Variants in NTN1 observed in about 807,000 individuals in gnomAD.
NTN1 encodes netrin-1.
In NTN1, 11 loss-of-function variants were observed where a neutral mutation model predicts 54.2. The observed-to-expected ratio is 0.20, with a 90% CI of 0.13 to 0.34. The LOEUF is 0.34. Ranked by LOEUF, NTN1 falls within the 10% of genes least tolerant of loss-of-function variation. NTN1 has a pLI of 1.00. For synonymous variants in NTN1, 371 were observed against 382.0 expected (o/e 0.97, Z 0.33); for missense variants, 740 against 893.1 (o/e 0.83, Z 2.18).
At chr17:9,098,372 C>T (rs1028868680) in intron 2 of NTN1, among the ~76,000 whole-genome samples, 5 of 152,220 alleles carry the variant, frequency 3.3e-5, no homozygotes, top group African/African-American at 1.2e-4. Flanking sequence ...CTGGAGAGCG[C>T]TGTTCACAGT....
intron 2 of NTN1, among the ~76,000 whole-genome samples, chr17:9,111,686 T>C (rs1021426718): frequency 6.6e-6 from 1 of 152,198 alleles, no homozygotes; most frequent in Non-Finnish European, 1.5e-5. Flanking sequence ...TTAACACATA[T>C]TTTGCATGTT....
intron 2 of NTN1, among the ~76,000 whole-genome samples, chr17:9,151,832 G>A (rs1316426607): frequency 1.3e-5 from 2 of 152,284 alleles, no homozygotes; most frequent in Non-Finnish European, 1.5e-5. Flanking sequence ...ACACCAATCA[G>A]CACTCTGTAG....
chr17:9,176,337 G>A (rs1207461754), intron 3 of NTN1: 1 of 152,444 alleles, frequency 6.6e-6, no homozygotes. Flanking sequence ...TTGTATCTGT[G>A]TGTTTCTGGG....
intron 2 of NTN1, among the ~76,000 whole-genome samples, chr17:9,084,630 G>T (rs116546148): frequency 0.016 from 2,447 of 149,970 alleles, 67 homozygotes; most frequent in African/African-American, 0.058. Flanking sequence ...TTCAGCTTTG[G>T]CTTTGTTCTT....
At chr17:9,044,532 C>T (rs904857154) in intron 2 of NTN1, among the ~76,000 whole-genome samples, 3 of 152,014 alleles carry the variant, frequency 2.0e-5, no homozygotes, top group African/African-American at 7.2e-5. Context: ...CACCACACCC[C>T]AGCCTCTGGC....
At chr17:9,066,955 T>C (rs1398988320) in intron 2 of NTN1, among the ~76,000 whole-genome samples, 5 of 140,482 alleles carry the variant, frequency 3.6e-5, no homozygotes, top group African/African-American at 5.5e-5. Context: ...GAGCCGAGAC[T>C]GCACCATTGC....
chr17:9,052,724 G>A (rs1424550219), intron 2 of NTN1, among the ~76,000 whole-genome samples: 1 of 152,196 alleles, frequency 6.6e-6, no homozygotes, highest in Non-Finnish European at 1.5e-5. Flanking sequence ...GCCAGCCTGG[G>A]CAACATAGCA....
chr17:9,012,238 G>A, the NTN1 span, among the ~76,000 whole-genome samples: 516 of 152,110 alleles, frequency 3.4e-3, 7 homozygotes, highest in African/African-American at 0.012. Flanking sequence ...TGGGCCAGGC[G>A]CAGCAGCTCA....
At chr17:9,189,014 T>C (rs1904379067) in intron 5 of NTN1, among the ~76,000 whole-genome samples, 1 of 152,196 alleles carries the variant, frequency 6.6e-6, no homozygotes, top group African/African-American at 2.4e-5. Flanking sequence ...ACCATCAGAT[T>C]ACTGTTATCC....
chr17:9,114,800 T>TGTTACCAGTATAAACTGTTGGGC (rs897680121), intron 2 of NTN1, among the ~76,000 whole-genome samples: 1 of 152,150 alleles, frequency 6.6e-6, no homozygotes, highest in African/African-American at 2.4e-5. Flanking sequence ...GGATGAAAGA[T>TGTTACCAGTATAAACTGTTGGGC]GTTACCAGTA....
At chr17:9,025,581 A>G (rs1188548872) in intron 2 of NTN1, among the ~76,000 whole-genome samples, 1 of 152,252 alleles carries the variant, frequency 6.6e-6, no homozygotes, top group Non-Finnish European at 1.5e-5. Context: ...AGCAAAGCCA[A>G]TTCAACTATG....
At chr17:9,095,021 A>T (rs4791776) in intron 2 of NTN1, among the ~76,000 whole-genome samples, 3 of 148,010 alleles carry the variant, frequency 2.0e-5, no homozygotes, top group African/African-American at 7.5e-5. Context: ...AAGAAACAGC[A>T]TGTTAAGTTT....
At chr17:9,081,067 G>C (rs2103189) in intron 2 of NTN1, among the ~76,000 whole-genome samples, 108,951 of 152,118 alleles carry the variant, frequency 0.72, 39,251 homozygotes, top group East Asian at 0.95. Context: ...GTAAAACAAC[G>C]TGGGGCTTGT....
the NTN1 span, among the ~76,000 whole-genome samples, chr17:9,014,783 A>C: frequency 6.6e-6 from 1 of 152,216 alleles, no homozygotes; most frequent in Non-Finnish European, 1.5e-5. Context: ...CAGTCCATCC[A>C]GACCACACAG....
chr17:9,081,903 T>A (rs1208016094), intron 2 of NTN1, among the ~76,000 whole-genome samples: 5 of 152,180 alleles, frequency 3.3e-5, no homozygotes, highest in African/African-American at 1.2e-4. Context: ...TTTGCCAACT[T>A]GCTGCAGGGC....
chr17:9,219,780 C>CTAT lies in NTN1; in HGVS notation c.1412-1388_1412-1387insTAT, dbSNP rs1905290160. On this transcript the variant is annotated intron_variant, in intron 5 of 6. Coordinates refer to ENST00000173229, the MANE Select transcript of NTN1 (RefSeq NM_004822.3). This position sits in a 1 kb window ranked among gnomAD's most constrained non-coding sequence, Gnocchi z 4.5. ...CTCCCCTACCTTGACCTTTGTTTTC[C>CTAT]CCTCTGCGGGATAGGACGCTGCCAC... 6.6e-6 allele frequency among the ~76,000 whole-genome samples: 1 copy of CTAT among 152,242 alleles called. No homozygotes were observed. Among genetic ancestry groups the CTAT allele is most frequent in the South Asian group, 2.1e-4 (1 of 4,834 alleles).
intron 4 of NTN1, among the ~76,000 whole-genome samples, chr17:9,182,106 T>C (rs1375536854): frequency 6.6e-6 from 1 of 152,154 alleles, no homozygotes; most frequent in Non-Finnish European, 1.5e-5. Context: ...GCCTCCTGAG[T>C]GGCTGGGACT....
chr17:9,117,433 C>G (rs550217920), intron 2 of NTN1, among the ~76,000 whole-genome samples: 1 of 152,120 alleles, frequency 6.6e-6, no homozygotes, highest in African/African-American at 2.4e-5. Context: ...TGGGTCTGCA[C>G]CTGGACCAAG....
rs2091853886 is a variant in NTN1 at position 9,022,487 on chromosome 17, C to T, written c.114C>T (p.Pro38=). ...LSMFAGQAAQ[P]DPCSDENGHP... is the part of the protein sequence containing the mutation. ...TGTTCGCGGGCCAGGCGGCGCAGCC[C>T]GATCCCTGCTCGGACGAGAACGGCC... Residue 38 remains proline (P), a synonymous_variant, in exon 2 of 7, where the codon CCC becomes CCT. Coordinates refer to ENST00000173229, the MANE Select transcript of NTN1 (RefSeq NM_004822.3). The T allele has an allele frequency of 1.3e-6, 2 of 1,537,492 alleles. No individual in the cohort carries two copies. Among genetic ancestry groups the T allele is most frequent in the Non-Finnish European group, 1.7e-6 (2 of 1,145,954 alleles).
Sources: gnomAD v4.1 joint callset for allele counts (sites outside exome capture counted in the v4.1 genomes callset) on GRCh38, gnomAD v4.1.1 for gene constraint, Gnocchi (gnomAD v3.1) non-coding constraint, MANE v1.5 for transcripts, NCBI Gene and HGNC (gene_info 2026-07-23, HGNC 2026-07-21) for gene names.